Variants in SLC25A21 observed in about 807,000 individuals in gnomAD.
SLC25A21 encodes the protein mitochondrial 2-oxodicarboxylate carrier.
SLC25A21 carries 47 observed loss-of-function variants against 43.8 expected under a neutral mutation model. The ratio of observed to expected loss-of-function variants is 1.07; its 90% CI spans 0.85 to 1.37. The LOEUF (loss-of-function observed/expected upper bound fraction) is 1.37. SLC25A21 is among the 40% of genes most tolerant of loss of function. The pLI is 0.00. For synonymous variants in SLC25A21, 131 were observed against 121.3 expected, an observed-to-expected ratio of 1.08 and a Z score of -0.52; for missense variants, 352 against 350.2, an observed-to-expected ratio of 1.00 and a Z score of -0.04.
At chr14:36,853,633 C>G (rs552259663) in intron 2 of SLC25A21, among the ~76,000 whole-genome samples, 2 of 152,130 alleles carry the variant, frequency 1.3e-5, no homozygotes, top group African/African-American at 4.8e-5. Context: ...TGTAAACATG[C>G]GCTTACTCTA....
At chr14:37,109,007 C>T (rs909646822) in intron 1 of SLC25A21, among the ~76,000 whole-genome samples, 3 of 152,040 alleles carry the variant, frequency 2.0e-5, no homozygotes, top group Non-Finnish European at 4.4e-5. Flanking sequence ...GTGTACTCAT[C>T]TCTTTATTGA....
chr14:36,967,798 G>C (rs1429181310), intron 1 of SLC25A21, among the ~76,000 whole-genome samples: 3 of 152,196 alleles, frequency 2.0e-5, no homozygotes, highest in African/African-American at 7.2e-5. Flanking sequence ...GCTGAGGCAG[G>C]GAAGATGGAC....
At chr14:36,882,962 C>T (rs1890781390) in intron 1 of SLC25A21, among the ~76,000 whole-genome samples, 2 of 152,156 alleles carry the variant, frequency 1.3e-5, no homozygotes, top group African/African-American at 4.8e-5. Context: ...TTTCTACCAT[C>T]CCTCATGACC....
chr14:36,736,061 G>A (rs1052179942), intron 3 of SLC25A21, among the ~76,000 whole-genome samples: 4 of 148,148 alleles, frequency 2.7e-5, no homozygotes, highest in South Asian at 2.2e-4. Context: ...TCAGCCTCCC[G>A]AGTAGCTGGG....
intron 1 of SLC25A21, among the ~76,000 whole-genome samples, chr14:37,150,909 G>A (rs190700697): frequency 6.6e-6 from 1 of 151,974 alleles, no homozygotes; most frequent in Non-Finnish European, 1.5e-5. Flanking sequence ...GAAGCCTCAA[G>A]CAATCAGAAC....
chr14:36,762,423 G>T (rs1886194127), intron 3 of SLC25A21, among the ~76,000 whole-genome samples: 1 of 152,178 alleles, frequency 6.6e-6, no homozygotes. Context: ...TCCTGGCCCA[G>T]GCCCCTATGG....
At chr14:37,128,675 A>G (rs6571785) in intron 1 of SLC25A21, among the ~76,000 whole-genome samples, 142,804 of 151,888 alleles carry the variant, frequency 0.94, 67,268 homozygotes, top group East Asian at 1. Context: ...CTTGACCTCC[A>G]CCACCAGGCT....
chr14:36,788,108 A>G (rs1887316747), intron 3 of SLC25A21, among the ~76,000 whole-genome samples: 1 of 152,306 alleles, frequency 6.6e-6, no homozygotes, highest in Admixed American at 6.5e-5. Flanking sequence ...TAAAATGGCC[A>G]CTTTTTAAAG....
At chr14:36,820,685 A>G (rs1374205904) in intron 2 of SLC25A21, among the ~76,000 whole-genome samples, 1 of 152,168 alleles carries the variant, frequency 6.6e-6, no homozygotes, top group African/African-American at 2.4e-5. Context: ...TGTTAGCCAT[A>G]AGAGAGAATA....
At chr14:37,034,272 GC>G (rs1231914528) in intron 1 of SLC25A21, among the ~76,000 whole-genome samples, 3 of 152,176 alleles carry the variant, frequency 2.0e-5, no homozygotes, top group African/African-American at 4.8e-5. Flanking sequence ...ACCCACCTCA[GC>G]CTCCCAAAGT....
rs560620856 is a variant in SLC25A21 at position 37,068,097 on chromosome 14, G to T, written c.70+104184C>A. Among the ~76,000 whole-genome samples, 6 of 152,320 alleles carry T rather than the reference G, an allele frequency of 3.9e-5. No individual in the cohort carries two copies. In the South Asian group the frequency reaches 1.0e-3, roughly 26 times the overall value. On this transcript the variant is annotated intron_variant, in intron 1 of 9. Coordinates refer to ENST00000331299, the MANE Select transcript of SLC25A21 (RefSeq NM_030631.4). ...TACAGGAAACGTTTGCCAACCCCCG[G>T]ACTTGAACACAGGCCGCGACAGCAG...
At chr14:37,013,237 T>C (rs779179276) in intron 1 of SLC25A21, among the ~76,000 whole-genome samples, 50 of 152,202 alleles carry the variant, frequency 3.3e-4, no homozygotes, top group Non-Finnish European at 5.3e-4. Flanking sequence ...CGTATGTCTA[T>C]GTTGGCTTTA....
chr14:36,976,282 G>A (rs1049174209), intron 1 of SLC25A21, among the ~76,000 whole-genome samples: 10 of 152,210 alleles, frequency 6.6e-5, no homozygotes, highest in East Asian at 1.9e-4. Context: ...ATGCATACAC[G>A]TTATAGGAGA....
chr14:36,964,621 A>G (rs923511539), intron 1 of SLC25A21, among the ~76,000 whole-genome samples: 2 of 152,248 alleles, frequency 1.3e-5, no homozygotes, highest in Non-Finnish European at 2.9e-5. Context: ...AGTGCAATAA[A>G]AGGACAAAGT....
At chr14:36,748,965 T>C (rs760769720) in intron 3 of SLC25A21, among the ~76,000 whole-genome samples, 5 of 152,194 alleles carry the variant, frequency 3.3e-5, no homozygotes, top group Non-Finnish European at 5.9e-5. Flanking sequence ...GGTTTCTCTG[T>C]CTATCATGAA....
At chr14:37,037,972 G>C (rs181218920) in intron 1 of SLC25A21, among the ~76,000 whole-genome samples, 4 of 152,206 alleles carry the variant, frequency 2.6e-5, no homozygotes, top group Non-Finnish European at 5.9e-5. Flanking sequence ...CTGTTCTTTT[G>C]TTCTTTCCTT....
chr14:36,912,592 T>C (rs934282190), intron 1 of SLC25A21, among the ~76,000 whole-genome samples: 1 of 152,322 alleles, frequency 6.6e-6, no homozygotes, highest in South Asian at 2.1e-4. Flanking sequence ...TGTCAACTGA[T>C]AGAGTACAAT....
At chr14:36,958,679 GCACACACACACACACA>G (rs71124786) in intron 1 of SLC25A21, among the ~76,000 whole-genome samples, 4 of 136,844 alleles carry the variant, frequency 2.9e-5, no homozygotes, top group Admixed American at 7.2e-5. Flanking sequence ...AAGCACACGT[GCACACACACACACACA>G]CACACACACA....
chr14:37,071,264 G>A (rs1378245746), intron 1 of SLC25A21, among the ~76,000 whole-genome samples: 3 of 152,180 alleles, frequency 2.0e-5, no homozygotes, highest in East Asian at 1.9e-4. Context: ...TCCCACTGCA[G>A]AATATAATAC....
Sources: gnomAD v4.1 joint callset for allele counts (sites outside exome capture counted in the v4.1 genomes callset) on GRCh38, gnomAD v4.1.1 for gene constraint, MANE v1.5 for transcripts, NCBI Gene and HGNC (gene_info 2026-07-23, HGNC 2026-07-21) for gene names.